The following TFAP2E variants were observed in gnomAD, a reference collection of about 807,000 sequenced individuals.
TFAP2E encodes the protein transcription factor AP-2-epsilon.
In TFAP2E, 30 loss-of-function variants were observed where a neutral mutation model predicts 37.9. The observed-to-expected ratio is 0.79, with a 90% CI of 0.59 to 1.07. The LOEUF (loss-of-function observed/expected upper bound fraction) is 1.07. TFAP2E is among the 50% of genes least tolerant of loss of function. The pLI is 0.00. For synonymous variants in TFAP2E, 318 were observed against 295.8 expected, an observed-to-expected ratio of 1.08 and a Z score of -0.77; for missense variants, 567 against 637.9, an observed-to-expected ratio of 0.89 and a Z score of 1.20.
downstream of TFAP2E, among the ~76,000 whole-genome samples, chr1:35,595,580 C>T (rs16866305): frequency 0.02 from 3,051 of 152,260 alleles, 88 homozygotes; most frequent in East Asian, 0.062. Flanking sequence ...CTTAATAAAG[C>T]CTTTCATTGG....
At chr1:35,575,408 C>T (rs1052667386) in intron 3 of TFAP2E, among the ~76,000 whole-genome samples, 1 of 152,246 alleles carries the variant, frequency 6.6e-6, no homozygotes, top group African/African-American at 2.4e-5. Flanking sequence ...CGGTGCCTGG[C>T]GGGCACTTTC....
intron 3 of TFAP2E, among the ~76,000 whole-genome samples, chr1:35,584,282 T>G (rs1319664427): frequency 1.3e-5 from 2 of 152,120 alleles, no homozygotes; most frequent in African/African-American, 4.8e-5. Flanking sequence ...AAATTTTTTT[T>G]TGTAGAGATG....
In TFAP2E at chr1:35,577,467, G is replaced by A. The variant is rs1027101131; in HGVS notation, c.562+2467G>A. On this transcript the variant is annotated intron_variant, in intron 3 of 6. Coordinates refer to ENST00000373235, the MANE Select transcript of TFAP2E (RefSeq NM_178548.4). This position sits in a 1 kb window ranked among gnomAD's most constrained non-coding sequence, Gnocchi z 6.3. ...AGACCTTCGGCCTCCGCCGAGTGCG[G>A]TACTGGAGCCTGCCCCGCCAGGGCC... The A allele has an allele frequency of 8.8e-6, 4 of 456,576 alleles. No homozygotes were observed. The highest frequency in any genetic ancestry group is 1.8e-5 in the Non-Finnish European group (4 of 226,932). The allele number at this position is 456,576 out of a possible 1,614,324, so 28.3% of individuals were successfully genotyped here.
chr1:35,587,410 C>T (rs747135986), intron 3 of TFAP2E, among the ~76,000 whole-genome samples: 2 of 151,966 alleles, frequency 1.3e-5, no homozygotes, highest in East Asian at 1.9e-4. Flanking sequence ...GAGGCCGAGG[C>T]GGGTGGATCA....
chr1:35,577,734 C>T lies in TFAP2E; in HGVS notation c.562+2734C>T, dbSNP rs538116853. ...CACCTGGAGCTCGCAGGGCCCAGAC[C>T]TGGGTTGGAAAAGCTTCGCTGACTG... On this transcript the variant is annotated intron_variant, in intron 3 of 6. Transcript: ENST00000373235. The surrounding 1 kb of genome is among the most constrained non-coding windows in gnomAD (Gnocchi z 6.3). The T allele has an allele frequency of 1.2e-4, 31 of 258,830 alleles. No homozygotes were observed. Among genetic ancestry groups the T allele is most frequent in the African/African-American group, 7.0e-4 (31 of 44,538 alleles). 16.0% of individuals were successfully genotyped at this position (258,830 alleles called of 1,614,324 possible).
At chr1:35,574,573 C>T (rs927274852) in intron 2 of TFAP2E, 164 bp downstream of exon 2, 12 of 1,262,140 alleles carry the variant, frequency 9.5e-6, no homozygotes, top group Middle Eastern at 2.9e-4. Context: ...TAGACGTTGC[C>T]TGGCCATCAA....
At chr1:35,583,309 GTTA>G (rs1649401115) in intron 3 of TFAP2E, among the ~76,000 whole-genome samples, 1 of 151,914 alleles carries the variant, frequency 6.6e-6, no homozygotes, top group Admixed American at 6.6e-5. Context: ...TGTTGTTGTT[GTTA>G]TTTGTATTTT....
chr1:35,580,331 T>C (rs1376389982), intron 3 of TFAP2E, among the ~76,000 whole-genome samples: 1 of 152,162 alleles, frequency 6.6e-6, no homozygotes, highest in Non-Finnish European at 1.5e-5. Flanking sequence ...TGCCCCAGTG[T>C]GGGCCAGGGA....
At chr1:35,575,095 C>A in intron 3 of TFAP2E, 95 bp downstream of exon 3, 3 of 1,509,772 alleles carry the variant, frequency 2.0e-6, no homozygotes, top group South Asian at 1.1e-5. Flanking sequence ...TCCTGTGTGT[C>A]GCCAGGCTGG....
rs1649110971 is a variant in TFAP2E, at chr1:35,574,428, G to A, written c.510+19G>A. On this transcript the variant is annotated intron_variant, in intron 2 of 6. Coordinates refer to ENST00000373235, the MANE Select transcript of TFAP2E (RefSeq NM_178548.4). Reference sequence around the variant, plus strand: ...CCTGCAGGTGAGACCCGAGGGATCCGGGATGGGTCGGGACTGGCCGCGGTG... The same window carrying A: ...CCTGCAGGTGAGACCCGAGGGATCCAGGATGGGTCGGGACTGGCCGCGGTG... 2 of 1,391,562 alleles carry A rather than the reference G, an allele frequency of 1.4e-6. No individual in the cohort carries two copies. The highest frequency in any genetic ancestry group is 2.9e-5 in the East Asian group (1 of 33,992). The allele number at this position is 1,391,562 out of a possible 1,614,324, so 86.2% of individuals were successfully genotyped here.
chr1:35,578,600 A>G (rs1292635881), intron 3 of TFAP2E, among the ~76,000 whole-genome samples: 1 of 152,046 alleles, frequency 6.6e-6, no homozygotes, highest in Non-Finnish European at 1.5e-5. Context: ...CAGCTGTCCA[A>G]TCTCAGGGGA....
chr1:35,592,818 T>A (rs1304072455), intron 6 of TFAP2E, among the ~76,000 whole-genome samples: 2 of 152,184 alleles, frequency 1.3e-5, no homozygotes, highest in African/African-American at 4.8e-5. Flanking sequence ...CCTCACATTG[T>A]AGAAGGGAGA....
At chr1:35,580,855 C>T (rs748613840) in intron 3 of TFAP2E, among the ~76,000 whole-genome samples, 2 of 151,972 alleles carry the variant, frequency 1.3e-5, no homozygotes, top group African/African-American at 2.4e-5. Context: ...CTGGAACTTG[C>T]ATTTTTTAAC....
At position 35,590,698 on chromosome 1, in the gene TFAP2E, A is replaced by G; in HGVS notation, c.969A>G (p.Ala323=). 6.4e-7 allele frequency: 1 copy of G among 1,558,652 alleles called. No individual in the cohort carries two copies. Among genetic ancestry groups the G allele is most frequent in the Admixed American group, 1.7e-5 (1 of 57,158 alleles). ...GTGAGACGGAGTTCCCAGCCAAGGC[A>G]GCTGCCGAGTACCTGTGCCGACAGC... is the stretch of plus-strand genomic sequence containing the variant. ...YVCETEFPAK[A]AAEYLCRQHA... is the part of the protein sequence containing the mutation. Residue 323 remains alanine, a synonymous_variant, in exon 6 of 7, where the codon GCA becomes GCG. Transcript: ENST00000373235. This position sits in a 1 kb window ranked among gnomAD's most constrained non-coding sequence, Gnocchi z 6.2.
At position 35,577,161 on chromosome 1, in the gene TFAP2E, G is replaced by A. The variant is rs1186875519; in HGVS notation, c.562+2161G>A. On this transcript the variant is annotated intron_variant, in intron 3 of 6. Transcript: ENST00000373235. The surrounding 1 kb of genome is among the most constrained non-coding windows in gnomAD (Gnocchi z 6.3). ...CAGCCCGCGCAGCAGCAGCAAAGGG[G>A]AAGGGGCAGGAGCCGGGCACAGTTG... Among the ~76,000 whole-genome samples, 2 of 152,258 alleles carry A rather than the reference G, an allele frequency of 1.3e-5. No homozygotes were observed. Among genetic ancestry groups the A allele is most frequent in the African/African-American group, 4.8e-5 (2 of 41,470 alleles).
rs1197008472 is a variant in TFAP2E at position 35,594,502 on chromosome 1, C to G, written c.1155C>G (p.His385Gln). Residue 385 changes from histidine (H) to glutamine (Q), a missense_variant, in exon 7 of 7, where the codon CAC becomes CAG. By Grantham distance (24) the His-to-Gln change is conservative. Around this residue, in one of 3 missense-constraint regions of TFAP2E, gnomAD observed 252 missense variants for 302.6 expected, o/e 0.83. Coordinates refer to ENST00000373235, the MANE Select transcript of TFAP2E (RefSeq NM_178548.4). Reference sequence around the variant, plus strand: ...CCGGAGTACAGAGCTGCTTGACACACTTTAGCCTCATCACCCATGGCTTCG... The same window carrying G: ...CCGGAGTACAGAGCTGCTTGACACAGTTTAGCCTCATCACCCATGGCTTCG... ...LEPGVQSCLT[H>Q]FSLITHGFGG... 8 of 1,614,098 alleles carry G rather than the reference C, an allele frequency of 5.0e-6. No homozygotes were observed. Among genetic ancestry groups the G allele is most frequent in the Non-Finnish European group, 6.8e-6 (8 of 1,180,044 alleles).
In TFAP2E at chr1:35,594,718, A is replaced by C. The variant is rs745795263; in HGVS notation, c.*42A>C. On this transcript the variant is annotated 3_prime_UTR_variant, in exon 7 of 7. Coordinates refer to ENST00000373235, the MANE Select transcript of TFAP2E (RefSeq NM_178548.4). The stretch of plus-strand genomic sequence containing the variant: ...ATCCCTAAGGGGCTCCCAGGCCCTG[A>C]AATAGGGACTTAGCTCTTGGGGGTG... The C allele has an allele frequency of 7.4e-6, 12 of 1,611,176 alleles. No individual in the cohort carries two copies. The highest frequency in any genetic ancestry group is 1.0e-5 in the Non-Finnish European group (12 of 1,179,758).
At chr1:35,586,759 G>A (rs1649491175) in intron 3 of TFAP2E, among the ~76,000 whole-genome samples, 1 of 152,120 alleles carries the variant, frequency 6.6e-6, no homozygotes, top group Non-Finnish European at 1.5e-5. Context: ...GCTGCTGGGT[G>A]GAGGTGGGGA....
intron 2 of TFAP2E, 89 bp downstream of exon 2, chr1:35,574,498 C>T: frequency 7.5e-7 from 1 of 1,334,384 alleles, no homozygotes; most frequent in Non-Finnish European, 9.6e-7. Flanking sequence ...ATGCAGGAAG[C>T]CGACTTTTCT....
Sources: gnomAD v4.1 joint callset for allele counts (sites outside exome capture counted in the v4.1 genomes callset) on GRCh38, gnomAD v4.1.1 for gene constraint, gnomAD v4.1.1 regional missense constraint, Gnocchi (gnomAD v3.1) non-coding constraint, MANE v1.5 for transcripts, NCBI Gene and HGNC (gene_info 2026-07-23, HGNC 2026-07-21) for gene names.